The following YWHAE variants were observed in gnomAD, a reference collection of about 807,000 sequenced individuals.
YWHAE encodes 14-3-3 protein epsilon.
In YWHAE, 4 loss-of-function variants were observed where a neutral mutation model predicts 30.1. That is an observed-to-expected ratio of 0.13 (90% CI 0.07 to 0.30). The LOEUF is 0.30. Ranked by LOEUF, YWHAE falls within the 10% of genes least tolerant of loss-of-function variation. The pLI is 1.00. For synonymous variants in YWHAE, 118 were observed against 111.8 expected, an observed-to-expected ratio of 1.06 and a Z score of -0.35; for missense variants, 121 against 315.9, an observed-to-expected ratio of 0.38 and a Z score of 4.68.
chr17:1,393,557 G>C (rs777310457), intron 1 of YWHAE, among the ~76,000 whole-genome samples: 12 of 152,108 alleles, frequency 7.9e-5, no homozygotes, highest in East Asian at 7.7e-4. Context: ...AGCCTCCTCA[G>C]TAGCTGGGAC....
At chr17:1,355,937 A>G (rs1466357572) in intron 4 of YWHAE, among the ~76,000 whole-genome samples, 2 of 151,834 alleles carry the variant, frequency 1.3e-5, no homozygotes, top group East Asian at 1.9e-4. Context: ...GGGAGGCAGA[A>G]GCGGGCGGAT....
chr17:1,372,503 G>A (rs1454198722), intron 1 of YWHAE, among the ~76,000 whole-genome samples: 1 of 152,220 alleles, frequency 6.6e-6, no homozygotes, highest in Non-Finnish European at 1.5e-5. Flanking sequence ...TAGCCTTCCT[G>A]ACTCAGCTTC....
At chr17:1,368,357 CAA>C (rs2072978457) in intron 1 of YWHAE, among the ~76,000 whole-genome samples, 1 of 150,168 alleles carries the variant, frequency 6.7e-6, no homozygotes, top group African/African-American at 2.5e-5. Context: ...GTCTGGGCAA[CAA>C]GAGCGAAACT....
intron 5 of YWHAE, chr17:1,347,923 A>T (rs1376442297): frequency 1.0e-6 from 1 of 998,096 alleles, no homozygotes; most frequent in Non-Finnish European, 1.2e-6. Flanking sequence ...AAGAACCAAA[A>T]CTGAAAGCGG....
At chr17:1,394,545 G>A (rs2073438653) in intron 1 of YWHAE, among the ~76,000 whole-genome samples, 1 of 151,492 alleles carries the variant, frequency 6.6e-6, no homozygotes, top group South Asian at 2.1e-4. Flanking sequence ...GGTCGAGCCT[G>A]CAGTAAGCTA....
At chr17:1,362,179 A>T (rs971570758) in intron 2 of YWHAE, among the ~76,000 whole-genome samples, 171 bp from the exon 3 acceptor site, 2 of 152,062 alleles carry the variant, frequency 1.3e-5, no homozygotes, top group African/African-American at 4.8e-5. Flanking sequence ...AGCTGCCTCT[A>T]GGTTATAAAA....
intron 1 of YWHAE, among the ~76,000 whole-genome samples, chr17:1,392,330 G>A (rs1359349137): frequency 2.0e-5 from 3 of 152,240 alleles, no homozygotes; most frequent in African/African-American, 7.2e-5. Context: ...AATCGTTACT[G>A]CATCAATGCA....
At chr17:1,377,570 T>G (rs1451446999) in intron 1 of YWHAE, among the ~76,000 whole-genome samples, 1 of 152,134 alleles carries the variant, frequency 6.6e-6, no homozygotes, top group Non-Finnish European at 1.5e-5. Flanking sequence ...GCTATGATCA[T>G]GCCACTGCAC....
At chr17:1,377,925 T>C (rs2073148563) in intron 1 of YWHAE, among the ~76,000 whole-genome samples, 1 of 152,144 alleles carries the variant, frequency 6.6e-6, no homozygotes, top group South Asian at 2.1e-4. Flanking sequence ...GGCGGGTGCC[T>C]GTAATCCCAG....
chr17:1,373,941 C>G (rs2073085129), intron 1 of YWHAE, among the ~76,000 whole-genome samples: 1 of 152,144 alleles, frequency 6.6e-6, no homozygotes, highest in Non-Finnish European at 1.5e-5. Context: ...TGGCTTCTTT[C>G]CCATAGCATG....
intron 4 of YWHAE, among the ~76,000 whole-genome samples, chr17:1,359,996 T>C (rs2072837958): frequency 6.6e-6 from 1 of 150,594 alleles, no homozygotes; most frequent in African/African-American, 2.4e-5. Flanking sequence ...AAAGTCTCAC[T>C]GTGTCACCCA....
At chr17:1,389,754 TCTG>T (rs1159244220) in intron 1 of YWHAE, among the ~76,000 whole-genome samples, 3 of 151,970 alleles carry the variant, frequency 2.0e-5, no homozygotes, top group Non-Finnish European at 4.4e-5. Flanking sequence ...ATGGTCTCAA[TCTG>T]CTGACCTCGT....
rs141245027 is a variant in YWHAE, at chr17:1,346,032, CAG to C, written c.716-535_716-534del. On this transcript the variant is annotated intron_variant, in intron 5 of 5. Coordinates refer to ENST00000264335, the MANE Select transcript of YWHAE (RefSeq NM_006761.5). ...AATATTTCAGCTTTTGTATCTTGGCCAGATACACCAAACTATAATCAGATTTT... is the reference window on the plus strand; with the variant it reads ...AATATTTCAGCTTTTGTATCTTGGCCATACACCAAACTATAATCAGATTTT... Among the ~76,000 whole-genome samples, 670 of 151,870 alleles carry C rather than the reference CAG, an allele frequency of 4.4e-3. 8 individuals are homozygous for C. The highest frequency in any genetic ancestry group is 0.015 in the African/African-American group (622 of 41,300).
rs199856747 is a variant in YWHAE at position 1,400,041 on chromosome 17, A to G, written c.64+6T>C. On this transcript the variant is annotated splice_donor_region_variant and intron_variant, in intron 1 of 5. Transcript: ENST00000264335. ...ATTCCAGCCCCCCGTTGCCCCCCCA[A>G]CTCACCGTCGTATCGCTCAGCCTGC... 4.1e-4 allele frequency: 660 copies of G among 1,603,374 alleles called. 1 individual carries two copies. Among genetic ancestry groups the G allele is most frequent in the Middle Eastern group, 1.8e-3 (11 of 6,044 alleles).
intron 1 of YWHAE, among the ~76,000 whole-genome samples, chr17:1,380,401 G>T (rs2073189272): frequency 6.6e-6 from 1 of 151,968 alleles, no homozygotes; most frequent in East Asian, 1.9e-4. Context: ...GCCCAGCCCA[G>T]ACTAGATTTT....
At chr17:1,356,171 AACACACACACACACACACACACACACAC>A (rs71148473) in intron 4 of YWHAE, among the ~76,000 whole-genome samples, 8 of 143,106 alleles carry the variant, frequency 5.6e-5, no homozygotes, top group South Asian at 2.3e-4. Context: ...TCCGTCTAAA[AACACACACACACACACACACACACACAC>A]ACACACACAC....
chr17:1,383,202 T>TA (rs2150869983), intron 1 of YWHAE, among the ~76,000 whole-genome samples: 1 of 151,208 alleles, frequency 6.6e-6, no homozygotes, highest in East Asian at 2.0e-4. Context: ...AATACAAAAT[T>TA]AGACAGGCAT....
chr17:1,393,444 T>C (rs1420180002), intron 1 of YWHAE, among the ~76,000 whole-genome samples: 1 of 152,208 alleles, frequency 6.6e-6, no homozygotes, highest in Non-Finnish European at 1.5e-5. Context: ...GGCTTTTCTT[T>C]TCTTGAGACA....
intron 1 of YWHAE, among the ~76,000 whole-genome samples, chr17:1,383,678 G>GCA (rs2073252579): frequency 6.6e-6 from 1 of 151,998 alleles, no homozygotes; most frequent in South Asian, 2.1e-4. Context: ...GTGAGCCACT[G>GCA]CACCCGGCCC....
Sources: allele counts gnomAD v4.1 joint callset (sites outside exome capture counted in the v4.1 genomes callset), GRCh38; gene constraint gnomAD v4.1.1; transcripts MANE v1.5; gene names NCBI Gene and HGNC (gene_info 2026-07-23, HGNC 2026-07-21).